RIMS1: variants seen among roughly 807,000 people sequenced by gnomAD.
RIMS1 encodes the protein regulating synaptic membrane exocytosis 1, also known as regulating synaptic membrane exocytosis protein 1.
A neutral mutation model predicts 214.1 loss-of-function variants in RIMS1; 83 were observed. The observed-to-expected ratio is 0.39, with a 90% CI of 0.32 to 0.47. The LOEUF is 0.47. RIMS1 is among the 20% of genes least tolerant of loss of function. The probability of loss-of-function intolerance (pLI) is 0.99; values close to 1 mark genes in which losing one functional copy is unlikely to be tolerated. For synonymous variants in RIMS1, 793 were observed against 786.8 expected (o/e 1.01, Z -0.13); for missense variants, 2,050 against 2,161.8 (o/e 0.95, Z 1.03).
chr6:72,402,416 G>A lies in RIMS1; in HGVS notation c.*1702G>A, dbSNP rs539479642. ...CCCTCCGGAAAACGTGATGTAGTAC[G>A]GACCAAATTCCTTCTAATAAATATT... On this transcript the variant is annotated 3_prime_UTR_variant, in exon 34 of 34. Coordinates refer to ENST00000521978, the MANE Select transcript of RIMS1 (RefSeq NM_014989.7). The A allele has an allele frequency of 1.1e-3, 172 of 152,562 alleles. No individual in the cohort carries two copies. The highest frequency in any genetic ancestry group is 2.1e-3 in the Non-Finnish European group (140 of 68,026). The allele number at this position is 152,562 out of a possible 1,614,324, so 9.5% of individuals were successfully genotyped here.
chr6:72,351,514 A>G (rs1004163636), intron 29 of RIMS1, among the ~76,000 whole-genome samples: 1 of 152,192 alleles, frequency 6.6e-6, no homozygotes, highest in African/African-American at 2.4e-5. Flanking sequence ...ACCCTATGAC[A>G]TTGATACAAG....
intron 2 of RIMS1, among the ~76,000 whole-genome samples, chr6:71,984,551 A>G (rs1799353870): frequency 6.6e-6 from 1 of 152,220 alleles, no homozygotes; most frequent in Non-Finnish European, 1.5e-5. Context: ...CCAGAGAAGA[A>G]GGCATTATTA....
Position 72,333,585 on chromosome 6 carries a change from A to T in RIMS1, c.4131-15A>T. On this transcript the variant is annotated splice_polypyrimidine_tract_variant and intron_variant, in intron 28 of 33. Coordinates refer to ENST00000521978, the MANE Select transcript of RIMS1 (RefSeq NM_014989.7). ...AATTTATGGATGCATATATGTTTTT[A>T]CTTTGTAAATATAGTTCATTTACCC... 1.3e-6 allele frequency: 2 copies of T among 1,547,448 alleles called. No individual in the cohort carries two copies. Among genetic ancestry groups the T allele is most frequent in the Non-Finnish European group, 1.8e-6 (2 of 1,139,460 alleles).
At chr6:71,957,418 A>G (rs1791608160) in intron 1 of RIMS1, among the ~76,000 whole-genome samples, 1 of 152,190 alleles carries the variant, frequency 6.6e-6, no homozygotes, top group Non-Finnish European at 1.5e-5. Context: ...AATTTTTAAC[A>G]ATAGAGTTGC....
intron 29 of RIMS1, among the ~76,000 whole-genome samples, chr6:72,362,610 A>G (rs2097861214): frequency 6.6e-6 from 1 of 152,246 alleles, no homozygotes; most frequent in Admixed American, 6.5e-5. Context: ...CCAGTTGTTT[A>G]ATATACCCAT....
chr6:72,306,825 GT>G (rs1563843456), intron 26 of RIMS1, among the ~76,000 whole-genome samples: 1 of 152,146 alleles, frequency 6.6e-6, no homozygotes, highest in East Asian at 1.9e-4. Context: ...TTAGCTGAGG[GT>G]GTTAAGTGGG....
chr6:72,034,673 A>G (rs1231464980), intron 2 of RIMS1, among the ~76,000 whole-genome samples: 1 of 152,008 alleles, frequency 6.6e-6, no homozygotes, highest in African/African-American at 2.4e-5. Flanking sequence ...GAGTTGCAAG[A>G]GATATTAAAT....
At chr6:72,255,242 T>C (rs2075298936) in intron 16 of RIMS1, among the ~76,000 whole-genome samples, 1 of 152,208 alleles carries the variant, frequency 6.6e-6, no homozygotes, top group South Asian at 2.1e-4. Flanking sequence ...TCTTATGTAC[T>C]TTTAGATGTT....
intron 2 of RIMS1, among the ~76,000 whole-genome samples, chr6:72,045,607 T>C (rs1448382277): frequency 6.6e-6 from 1 of 152,062 alleles, no homozygotes; most frequent in African/African-American, 2.4e-5. Context: ...GACAAATGTC[T>C]TCCTTAAAGG....
At chr6:72,105,505 C>A (rs200260922) in intron 4 of RIMS1, among the ~76,000 whole-genome samples, 2 of 152,022 alleles carry the variant, frequency 1.3e-5, no homozygotes, top group East Asian at 3.8e-4. Context: ...AGAGTAAATT[C>A]TATTCCTTGG....
chr6:72,344,463 A>G (rs1349911344), intron 29 of RIMS1, among the ~76,000 whole-genome samples: 1 of 151,798 alleles, frequency 6.6e-6, no homozygotes, highest in African/African-American at 2.4e-5. Context: ...GGCCCTTCCA[A>G]AGTTTCAGAA....
At chr6:72,250,585 C>A in intron 13 of RIMS1, 125 bp downstream of exon 13, 1 of 669,036 alleles carries the variant, frequency 1.5e-6, no homozygotes, top group Non-Finnish European at 2.3e-6. Context: ...AGTACATTAT[C>A]TCTGAAAAAA....
intron 26 of RIMS1, among the ~76,000 whole-genome samples, chr6:72,306,272 G>T (rs1042321472): frequency 6.6e-6 from 1 of 151,342 alleles, no homozygotes; most frequent in Admixed American, 6.6e-5. Flanking sequence ...CACACACACA[G>T]CCCTACAACT....
At chr6:72,110,650 A>G (rs1244699816) in intron 4 of RIMS1, among the ~76,000 whole-genome samples, 67 of 148,720 alleles carry the variant, frequency 4.5e-4, no homozygotes, top group South Asian at 2.2e-3. Context: ...ATCTGCAAAC[A>G]GGGACAATTT....
At chr6:72,182,250 A>T (rs1366079712) in intron 5 of RIMS1, 34 bp from the exon 6 acceptor site, 5 of 1,523,788 alleles carry the variant, frequency 3.3e-6, no homozygotes, top group Non-Finnish European at 4.4e-6. Context: ...GTCTTTATAA[A>T]TTGCTCTCCT....
chr6:72,096,933 T>C lies in RIMS1; in HGVS notation c.246-16T>C. The C allele has an allele frequency of 6.2e-7, 1 of 1,604,384 alleles. No individual in the cohort carries two copies. Among genetic ancestry groups the C allele is most frequent in the Non-Finnish European group, 8.5e-7 (1 of 1,172,912 alleles). On this transcript the variant is annotated splice_polypyrimidine_tract_variant and intron_variant, in intron 2 of 33. Transcript: ENST00000521978. ...CACTATTTACTTAGTTTGCTACCAT[T>C]TTCTCTTTTGCCTAGGAGATTGCAT...
chr6:72,069,727 G>A (rs570630163), intron 2 of RIMS1, among the ~76,000 whole-genome samples: 13 of 152,258 alleles, frequency 8.5e-5, no homozygotes, highest in South Asian at 2.1e-4. Flanking sequence ...ATCTTTGAGC[G>A]TAGGCCAATT....
rs149162823 is a variant in RIMS1, at chr6:71,925,992, C to A, written c.164+38805C>A. The stretch of plus-strand genomic sequence containing the variant: ...AAAGTGAATACATCCTTGTAACCAC[C>A]CAGCATATCAAAAAACAGAACATTT... On this transcript the variant is annotated intron_variant, in intron 1 of 33. Coordinates refer to ENST00000521978, the MANE Select transcript of RIMS1 (RefSeq NM_014989.7). Among the ~76,000 whole-genome samples the A allele has an allele frequency of 7.6e-3, 1,161 of 152,226 alleles. 5 individuals carry two copies. Among genetic ancestry groups the A allele is most frequent in the Non-Finnish European group, 9.3e-3 (634 of 68,014 alleles).
intron 15 of RIMS1, 102 bp from the exon 16 acceptor site, chr6:72,252,659 A>C (rs2073951458): frequency 1.2e-6 from 1 of 862,812 alleles, no homozygotes; most frequent in Non-Finnish European, 1.9e-6. Flanking sequence ...ATAAGTTTTC[A>C]GTAATAATGC....
Sources: gnomAD v4.1 joint callset for allele counts (sites outside exome capture counted in the v4.1 genomes callset) on GRCh38, gnomAD v4.1.1 for gene constraint, MANE v1.5 for transcripts, NCBI Gene and HGNC (gene_info 2026-07-23, HGNC 2026-07-21) for gene names.